APCDD1L: variants seen among roughly 807,000 people sequenced by gnomAD.
APCDD1L encodes the protein APC down-regulated 1 like.
APCDD1L carries 21 observed loss-of-function variants against 24.2 expected under a neutral mutation model. That is an observed-to-expected ratio of 0.87 (90% CI 0.61 to 1.25). The LOEUF (loss-of-function observed/expected upper bound fraction) is 1.25, where lower values mean the gene tolerates loss of function less well. APCDD1L is among the 50% of genes most tolerant of loss of function. APCDD1L has a pLI of 0.00. For synonymous variants in APCDD1L, 321 were observed against 323.6 expected (o/e 0.99, Z 0.09); for missense variants, 704 against 711.7 (o/e 0.99, Z 0.12).
chr20:58,478,037 A>G (rs1262356153), intron 1 of APCDD1L, among the ~76,000 whole-genome samples: 1 of 152,144 alleles, frequency 6.6e-6, no homozygotes, highest in Non-Finnish European at 1.5e-5. Flanking sequence ...ATTTTACTTT[A>G]TCGGTTATAA....
chr20:58,460,859 C>T lies in APCDD1L; in HGVS notation c.1437G>A (p.Gly479=), dbSNP rs1989581946. 6.4e-7 allele frequency: 1 copy of T among 1,571,890 alleles called. No individual in the cohort carries two copies. The highest frequency in any genetic ancestry group is 8.6e-7 in the Non-Finnish European group (1 of 1,157,016). The change falls in exon 4 of 4, where the codon GGG becomes GGA. Residue 479 remains glycine (G), a synonymous_variant. Transcript: ENST00000371149. The surrounding 1 kb of genome is among the most constrained non-coding windows in gnomAD (Gnocchi z 4.2). ...RPSLQKHPST[G]GLHIAPFPLL... ...GTGGGAAGGGGGCTATGTGAAGACCCCCTGTGCTGGGGTGCTTCTGCAGCG... is the reference window on the plus strand; with the variant it reads ...GTGGGAAGGGGGCTATGTGAAGACCTCCTGTGCTGGGGTGCTTCTGCAGCG...
intron 1 of APCDD1L, among the ~76,000 whole-genome samples, chr20:58,509,271 C>A (rs1990583636): frequency 6.6e-6 from 1 of 152,088 alleles, no homozygotes; most frequent in Non-Finnish European, 1.5e-5. Context: ...CACGTCAGGG[C>A]CTTTGGATTG....
intron 1 of APCDD1L, 105 bp from the exon 2 acceptor site, chr20:58,470,852 T>A: frequency 7.0e-7 from 1 of 1,419,958 alleles, no homozygotes; most frequent in Non-Finnish European, 9.2e-7. Flanking sequence ...GGCAGGGCTG[T>A]CCCGCAACCT....
At chr20:58,502,357 T>C (rs1454039139) in intron 1 of APCDD1L, among the ~76,000 whole-genome samples, 2 of 152,198 alleles carry the variant, frequency 1.3e-5, no homozygotes, top group African/African-American at 4.8e-5. Context: ...CGCCTCGGCC[T>C]CCCAAAGTGT....
At chr20:58,465,594 C>T (rs1989690927) in intron 3 of APCDD1L, among the ~76,000 whole-genome samples, 1 of 152,196 alleles carries the variant, frequency 6.6e-6, no homozygotes, top group African/African-American at 2.4e-5. Flanking sequence ...TCCATCTGCT[C>T]GTTTGTGCAC....
rs3070367 is a variant in APCDD1L at position 58,489,685 on chromosome 20, GAA to G, written c.50-18940_50-18939del. Among the ~76,000 whole-genome samples the G allele has an allele frequency of 2.4e-3, 337 of 142,460 alleles. 3 individuals are homozygous for G. The highest frequency in any genetic ancestry group is 6.4e-3 in the African/African-American group (250 of 38,770). 93.5% of individuals were successfully genotyped at this position (142,460 alleles called of 152,430 possible). ...GGCAACAAGAGCGAAACTTTGTGTG[GAA>G]AAAAAAAAAAAAGAAAAGAACAAAA... On this transcript the variant is annotated intron_variant, in intron 1 of 3. Coordinates refer to ENST00000371149, the MANE Select transcript of APCDD1L (RefSeq NM_153360.3).
chr20:58,479,430 T>C (rs1166360959), intron 1 of APCDD1L, among the ~76,000 whole-genome samples: 1 of 152,182 alleles, frequency 6.6e-6, no homozygotes, highest in Non-Finnish European at 1.5e-5. Context: ...TGTCACATTT[T>C]GCTGTATCAG....
intron 1 of APCDD1L, among the ~76,000 whole-genome samples, chr20:58,478,826 G>A (rs1989966178): frequency 6.6e-6 from 1 of 151,940 alleles, no homozygotes; most frequent in African/African-American, 2.4e-5. Flanking sequence ...AGGGCAAAAG[G>A]GTGATCAGTC....
chr20:58,486,854 GTTTT>G (rs747539318), intron 1 of APCDD1L, among the ~76,000 whole-genome samples: 67 of 80,420 alleles, frequency 8.3e-4, no homozygotes, highest in African/African-American at 2.8e-3. Flanking sequence ...TGGAGGGAAG[GTTTT>G]TTTTTTTTTT....
At position 58,506,444 on chromosome 20, in the gene APCDD1L, C is replaced by T. The variant is rs142269404; in HGVS notation, c.49+8215G>A. Among the ~76,000 whole-genome samples, 53 of 152,298 alleles carry T rather than the reference C, an allele frequency of 3.5e-4. 1 individual carries two copies. The highest frequency in any genetic ancestry group is 1.2e-3 in the African/African-American group (49 of 41,564). On this transcript the variant is annotated intron_variant, in intron 1 of 3. Transcript: ENST00000371149. ...TTGCAAATGGTATGAGTGACATCTA[C>T]GGAGGACTTGCTCTGTGTCTGCTGT...
At chr20:58,492,701 A>C (rs560023397) in intron 1 of APCDD1L, among the ~76,000 whole-genome samples, 1 of 152,376 alleles carries the variant, frequency 6.6e-6, no homozygotes, top group South Asian at 2.1e-4. Context: ...ATCTTACATC[A>C]CCATCTGATA....
Position 58,461,214 on chromosome 20 carries a change from G to T in APCDD1L, c.1082C>A (p.Thr361Asn), listed in dbSNP as rs1478034981. Residue 361 changes from threonine to asparagine, a missense_variant, in exon 4 of 4, where the codon ACC (threonine) becomes AAC (asparagine). Transcript: ENST00000371149. The surrounding 1 kb of genome is among the most constrained non-coding windows in gnomAD (Gnocchi z 6.0). Reference protein sequence around the residue: ...LVFEVTRAHVTPMDQVTTAML... With the variant: ...LVFEVTRAHVNPMDQVTTAML... ...GGCCGTGGTGACCTGGTCCATGGGG[G>T]TCACATGGGCCCGTGTGACCTCAAA... 1.9e-6 allele frequency: 3 copies of T among 1,613,614 alleles called. No individual in the cohort carries two copies. Among genetic ancestry groups the T allele is most frequent in the Non-Finnish European group, 1.7e-6 (2 of 1,179,868 alleles).
At chr20:58,498,910 G>A (rs1990376077) in intron 1 of APCDD1L, among the ~76,000 whole-genome samples, 1 of 152,184 alleles carries the variant, frequency 6.6e-6, no homozygotes, top group Non-Finnish European at 1.5e-5. Flanking sequence ...CTCCCTTCTT[G>A]GAGTCTCATC....
chr20:58,462,842 T>TAAAA (rs1989634947), intron 3 of APCDD1L, among the ~76,000 whole-genome samples: 1 of 108,562 alleles, frequency 9.2e-6, no homozygotes. Context: ...AGACACCATC[T>TAAAA]CAAAAAAAAA....
chr20:58,513,549 T>C (rs1335760745), intron 1 of APCDD1L, among the ~76,000 whole-genome samples: 2 of 152,210 alleles, frequency 1.3e-5, no homozygotes, highest in East Asian at 3.9e-4. Flanking sequence ...AAGACTGTGA[T>C]TGAAGAGCTC....
At chr20:58,505,309 C>T (rs983789622) in intron 1 of APCDD1L, among the ~76,000 whole-genome samples, 1 of 152,146 alleles carries the variant, frequency 6.6e-6, no homozygotes, top group African/African-American at 2.4e-5. Context: ...AAGTGATTCT[C>T]CCACTTTGGC....
intron 1 of APCDD1L, among the ~76,000 whole-genome samples, chr20:58,476,214 G>A (rs557334895): frequency 1.6e-4 from 25 of 152,040 alleles, no homozygotes; most frequent in African/African-American, 5.5e-4. Flanking sequence ...ATTTTGAGAC[G>A]GAGTCTTGCT....
intron 3 of APCDD1L, among the ~76,000 whole-genome samples, chr20:58,465,195 C>T (rs545164660): frequency 5.3e-5 from 8 of 152,168 alleles, no homozygotes; most frequent in Non-Finnish European, 7.3e-5. Context: ...GTAGGATTAA[C>T]GCCAGACCAG....
intron 1 of APCDD1L, among the ~76,000 whole-genome samples, chr20:58,489,231 C>CAAACAAACAAACCA (rs1470375818): frequency 1.3e-5 from 2 of 151,944 alleles, no homozygotes; most frequent in African/African-American, 4.8e-5. Context: ...CCAACCAAAA[C>CAAACAAACAAACCA]AAACAAACAA....
Sources: gnomAD v4.1 joint callset for allele counts (sites outside exome capture counted in the v4.1 genomes callset) on GRCh38, gnomAD v4.1.1 for gene constraint, Gnocchi (gnomAD v3.1) non-coding constraint, MANE v1.5 for transcripts, NCBI Gene and HGNC (gene_info 2026-07-23, HGNC 2026-07-21) for gene names.